CBFA2T2: variants seen among roughly 807,000 people sequenced by gnomAD.
CBFA2T2 encodes the protein CBFA2/RUNX1 partner transcriptional co-repressor 2.
A neutral mutation model predicts 62.2 loss-of-function variants in CBFA2T2; 11 were observed. That is an observed-to-expected ratio of 0.18 (90% CI 0.11 to 0.29). The LOEUF is 0.29. Among genes scored for constraint, CBFA2T2 ranks in the 10% least tolerant of loss-of-function variants. The probability of loss-of-function intolerance (pLI) is 1.00; values close to 1 mark genes in which losing one functional copy is unlikely to be tolerated. For missense variants in CBFA2T2, 592 were observed against 774.1 expected, an observed-to-expected ratio of 0.76 and a Z score of 2.79; for synonymous variants, 295 against 287.5, an observed-to-expected ratio of 1.03 and a Z score of -0.27.
chr20:33,514,032 C>G (rs1317318783), intron 1 of CBFA2T2, among the ~76,000 whole-genome samples: 2 of 149,194 alleles, frequency 1.3e-5, no homozygotes, highest in Non-Finnish European at 3.0e-5. Context: ...TCCCAAGTAG[C>G]TGGGATTGCA....
At chr20:33,600,068 A>C (rs1250609376) in intron 1 of CBFA2T2, among the ~76,000 whole-genome samples, 1 of 152,112 alleles carries the variant, frequency 6.6e-6, no homozygotes, top group African/African-American at 2.4e-5. Context: ...CTCATCCTTA[A>C]GCATGTACTA....
intron 9 of CBFA2T2, among the ~76,000 whole-genome samples, chr20:33,640,130 G>A (rs2016775001): frequency 6.6e-6 from 1 of 152,118 alleles, no homozygotes; most frequent in East Asian, 1.9e-4. Flanking sequence ...CTAGTCACTT[G>A]CGTCCACAGC....
rs368576744 is a variant in CBFA2T2, at chr20:33,586,927, TTA to T, written c.35-20027_35-20026del. On this transcript the variant is annotated intron_variant, in intron 1 of 10. Coordinates refer to ENST00000342704, the MANE Select transcript of CBFA2T2 (RefSeq NM_001032999.3). The stretch of plus-strand genomic sequence containing the variant: ...TCTACCTAACTCTGAACTTCACTAT[TTA>T]TTTTATTTTATCTTATTTAATTTTA... 4.0e-4 allele frequency among the ~76,000 whole-genome samples: 61 copies of T among 152,240 alleles called. 1 individual carries two copies. The East Asian group carries it at 0.011, about 28-fold the overall frequency.
chr20:33,509,822 CTT>C (rs779240592), intron 1 of CBFA2T2, among the ~76,000 whole-genome samples: 20 of 141,790 alleles, frequency 1.4e-4, no homozygotes, highest in Admixed American at 2.1e-4. Context: ...GAGTAAAACT[CTT>C]TTTTTTTTTT....
At chr20:33,536,499 G>A (rs182091953) in intron 1 of CBFA2T2, among the ~76,000 whole-genome samples, 3,318 of 151,454 alleles carry the variant, frequency 0.022, 116 homozygotes, top group African/African-American at 0.076. Flanking sequence ...CCTCCCGGAC[G>A]GGGTGGCTGC....
At chr20:33,491,707 C>CT (rs772598025) in intron 1 of CBFA2T2, among the ~76,000 whole-genome samples, 339 of 142,834 alleles carry the variant, frequency 2.4e-3, no homozygotes, top group Middle Eastern at 7.4e-3. Context: ...AAATGAAAGG[C>CT]TTTTTTTTTT....
chr20:33,604,951 T>TCAGA (rs1374084190), intron 1 of CBFA2T2, among the ~76,000 whole-genome samples: 5 of 152,206 alleles, frequency 3.3e-5, no homozygotes, highest in Admixed American at 3.3e-4. Flanking sequence ...AGTCCACTAA[T>TCAGA]CAGACAGGAC....
chr20:33,512,369 G>T (rs2011525776), intron 1 of CBFA2T2, among the ~76,000 whole-genome samples: 1 of 152,102 alleles, frequency 6.6e-6, no homozygotes, highest in Non-Finnish European at 1.5e-5. Flanking sequence ...AAAAGTAAAA[G>T]AAAACATTAA....
At chr20:33,632,052 TTTTG>T (rs1028551557) in intron 8 of CBFA2T2, among the ~76,000 whole-genome samples, 21 of 152,226 alleles carry the variant, frequency 1.4e-4, no homozygotes, top group East Asian at 1.2e-3. Flanking sequence ...GTTTGTTCGT[TTTTG>T]TTTGTTTGTT....
chr20:33,642,115 TTTGTGTG>T (rs1202790564), intron 10 of CBFA2T2, among the ~76,000 whole-genome samples: 1 of 36,586 alleles, frequency 2.7e-5, no homozygotes, highest in Non-Finnish European at 5.4e-5. Flanking sequence ...CTTTTTTTTT[TTTGTGTG>T]TGTGTGTGTG....
At chr20:33,549,179 AT>A (rs2146883560) in intron 1 of CBFA2T2, among the ~76,000 whole-genome samples, 2 of 152,334 alleles carry the variant, frequency 1.3e-5, no homozygotes, top group South Asian at 4.1e-4. Flanking sequence ...TCGAAAAATT[AT>A]TAAAAACTAT....
At chr20:33,580,557 A>G (rs979091603) in intron 1 of CBFA2T2, among the ~76,000 whole-genome samples, 3 of 152,200 alleles carry the variant, frequency 2.0e-5, no homozygotes, top group African/African-American at 7.2e-5. Flanking sequence ...TAGCAGCATC[A>G]CAATTTGATA....
At chr20:33,574,786 G>T (rs2013746923) in intron 1 of CBFA2T2, among the ~76,000 whole-genome samples, 2 of 152,134 alleles carry the variant, frequency 1.3e-5, no homozygotes, top group Admixed American at 1.3e-4. Flanking sequence ...GATGGGGAAG[G>T]TCTAAGCTTT....
At chr20:33,566,476 T>A (rs948837317) in intron 1 of CBFA2T2, among the ~76,000 whole-genome samples, 1 of 151,816 alleles carries the variant, frequency 6.6e-6, no homozygotes, top group South Asian at 2.1e-4. Flanking sequence ...CGTGGTGACA[T>A]GTGCCTGTAA....
chr20:33,568,541 G>T (rs531820696), intron 1 of CBFA2T2, among the ~76,000 whole-genome samples: 1 of 152,266 alleles, frequency 6.6e-6, no homozygotes, highest in South Asian at 2.1e-4. Context: ...TGACAGATGT[G>T]TCCTCTGCTG....
chr20:33,587,442 GT>G (rs1198160941), intron 1 of CBFA2T2, among the ~76,000 whole-genome samples: 2 of 151,466 alleles, frequency 1.3e-5, no homozygotes, highest in Non-Finnish European at 2.9e-5. Flanking sequence ...AATTTTTCAT[GT>G]TTTTGGTAGA....
chr20:33,588,177 A>G (rs1383897935), intron 1 of CBFA2T2, among the ~76,000 whole-genome samples: 1 of 152,180 alleles, frequency 6.6e-6, no homozygotes, highest in African/African-American at 2.4e-5. Flanking sequence ...CATCAACACA[A>G]AAGTTTCCTC....
At chr20:33,611,502 G>T (rs897587623) in intron 3 of CBFA2T2, among the ~76,000 whole-genome samples, 167 bp downstream of exon 3, 3 of 152,018 alleles carry the variant, frequency 2.0e-5, no homozygotes, top group African/African-American at 7.2e-5. Flanking sequence ...TTAAATGTAG[G>T]TTTCTTTTCT....
intron 1 of CBFA2T2, among the ~76,000 whole-genome samples, chr20:33,548,800 C>T (rs1198806511): frequency 6.6e-6 from 1 of 152,008 alleles, no homozygotes; most frequent in Non-Finnish European, 1.5e-5. Flanking sequence ...TACCCTTCCC[C>T]CGAAAAAAAG....
Sources: gnomAD v4.1 joint callset for allele counts (sites outside exome capture counted in the v4.1 genomes callset) on GRCh38, gnomAD v4.1.1 for gene constraint, MANE v1.5 for transcripts, NCBI Gene and HGNC (gene_info 2026-07-23, HGNC 2026-07-21) for gene names.